SPAG1: variants seen among roughly 807,000 people sequenced by gnomAD.
SPAG1 encodes the protein sperm associated antigen 1, also known as sperm-associated antigen 1.
Under a neutral mutation model 100.5 loss-of-function variants are expected in SPAG1, and 69 were observed. The observed-to-expected ratio is 0.69, with a 90% CI of 0.57 to 0.84. The LOEUF is 0.84. Among genes scored for constraint, SPAG1 ranks in the 40% least tolerant of loss-of-function variants. The probability of loss-of-function intolerance (pLI) is 0.00; values close to 1 mark genes in which losing one functional copy is unlikely to be tolerated. For missense variants in SPAG1, 955 were observed against 1,133.1 expected, an observed-to-expected ratio of 0.84 and a Z score of 2.26; for synonymous variants, 336 against 411.6, an observed-to-expected ratio of 0.82 and a Z score of 2.22.
At chr8:100,197,531 T>G (rs1817085760) in intron 10 of SPAG1, among the ~76,000 whole-genome samples, 1 of 152,160 alleles carries the variant, frequency 6.6e-6, no homozygotes, top group Non-Finnish European at 1.5e-5. Flanking sequence ...TGCTGGAGCC[T>G]TGGACACAAG....
intron 15 of SPAG1, among the ~76,000 whole-genome samples, chr8:100,231,628 T>C (rs1818770938): frequency 1.3e-5 from 2 of 152,176 alleles, no homozygotes; most frequent in African/African-American, 4.8e-5. Context: ...GCCTGGGCAT[T>C]GTCCAGTGTG....
At chr8:100,199,950 C>CTT (rs903626847) in intron 10 of SPAG1, among the ~76,000 whole-genome samples, 3 of 146,850 alleles carry the variant, frequency 2.0e-5, no homozygotes, top group African/African-American at 7.5e-5. Context: ...CTCATTTTGA[C>CTT]TTTTTTTTTT....
intron 10 of SPAG1, among the ~76,000 whole-genome samples, chr8:100,209,534 T>C (rs1189211938): frequency 2.6e-5 from 4 of 151,662 alleles, no homozygotes; most frequent in African/African-American, 4.8e-5. Context: ...ATTTAAGGAT[T>C]GTCTTTTCCA....
At chr8:100,195,461 CA>C in intron 10 of SPAG1, among the ~76,000 whole-genome samples, 1 of 151,788 alleles carries the variant, frequency 6.6e-6, no homozygotes, top group East Asian at 1.9e-4. Context: ...TGGATAAAGA[CA>C]AAGGAACAGA....
At chr8:100,186,362 T>C (rs1250734300) in intron 7 of SPAG1, among the ~76,000 whole-genome samples, 3 of 152,168 alleles carry the variant, frequency 2.0e-5, no homozygotes, top group Admixed American at 1.3e-4. Context: ...TGAGCCACCA[T>C]GCCTGGCTTC....
intron 12 of SPAG1, among the ~76,000 whole-genome samples, chr8:100,218,284 T>G (rs1197515281): frequency 2.0e-5 from 3 of 152,224 alleles, no homozygotes; most frequent in African/African-American, 4.8e-5. Context: ...CATATTCATT[T>G]TCAGGATTGT....
chr8:100,213,526 GA>G (rs1817835264), intron 11 of SPAG1, 98 bp downstream of exon 11: 1 of 971,848 alleles, frequency 1.0e-6, no homozygotes, highest in Non-Finnish European at 1.4e-6. Flanking sequence ...CCTCCTGAAT[GA>G]CAGGCGCCGG....
At position 100,213,834 on chromosome 8, in the gene SPAG1, ATGATC is replaced by A; in HGVS notation, c.1453_1457del (p.Asp485LysfsTer7). 1 of 1,583,032 alleles carries A rather than the reference ATGATC, an allele frequency of 6.3e-7. No homozygotes were observed. The highest frequency in any genetic ancestry group is 8.7e-7 in the Non-Finnish European group (1 of 1,155,600). ...TGATTTTTAGGAAGTGAAATTGCAG[ATGATC>A]TAAGTATCTTATATTCAAATAGAGC... On this transcript the variant is annotated frameshift_variant, in exon 12 of 19. Transcript: ENST00000388798. LOFTEE classifies it high-confidence loss of function.
At chr8:100,162,445 G>GT (rs1563766181) in intron 2 of SPAG1, 25 bp downstream of exon 2, 4 of 1,524,994 alleles carry the variant, frequency 2.6e-6, no homozygotes, top group Non-Finnish European at 3.5e-6. Flanking sequence ...ATCATTACAT[G>GT]TTTTAGTATG....
intron 10 of SPAG1, among the ~76,000 whole-genome samples, chr8:100,205,141 A>G (rs1817452640): frequency 1.3e-5 from 2 of 152,208 alleles, no homozygotes; most frequent in South Asian, 4.1e-4. Context: ...TGGCTTTTCA[A>G]TTAATTTCCA....
chr8:100,237,561 C>T (rs927626950), intron 16 of SPAG1, among the ~76,000 whole-genome samples: 3 of 152,164 alleles, frequency 2.0e-5, no homozygotes, highest in African/African-American at 4.8e-5. Context: ...CCTCATAGGA[C>T]GTAAGCTTCC....
chr8:100,227,598 C>A (rs1818571374), intron 14 of SPAG1, among the ~76,000 whole-genome samples: 1 of 152,120 alleles, frequency 6.6e-6, no homozygotes, highest in South Asian at 2.1e-4. Context: ...AGAGCTACTT[C>A]TTATTAACAA....
chr8:100,194,462 T>A, intron 10 of SPAG1, 194 bp downstream of exon 10: 2 of 718,376 alleles, frequency 2.8e-6, no homozygotes, highest in Non-Finnish European at 2.3e-6. Flanking sequence ...TTTTCCTTCT[T>A]AACCTGTCAC....
At chr8:100,221,065 T>C (rs1490002681) in intron 13 of SPAG1, among the ~76,000 whole-genome samples, 1 of 149,792 alleles carries the variant, frequency 6.7e-6, no homozygotes, top group Non-Finnish European at 1.5e-5. Context: ...GGAGCAAGAT[T>C]CCAACTCCAA....
At chr8:100,240,048 G>A (rs966662908) in intron 17 of SPAG1, among the ~76,000 whole-genome samples, 2 of 152,060 alleles carry the variant, frequency 1.3e-5, no homozygotes, top group Non-Finnish European at 2.9e-5. Flanking sequence ...TTTAAGGAGG[G>A]AAGAAAAAAC....
rs892334701 is a variant in SPAG1, at chr8:100,239,868, T to G, written c.2280+464T>G. The stretch of plus-strand genomic sequence containing the variant: ...TCGAACTACCTCAGGATCAAACTGC[T>G]TTTGTGATTCAGATAACTAAAATGT... On this transcript the variant is annotated intron_variant, in intron 17 of 18. Transcript: ENST00000388798. This position sits in a 1 kb window ranked among gnomAD's most constrained non-coding sequence, Gnocchi z 5.0. Among the ~76,000 whole-genome samples, 6 of 152,348 alleles carry G rather than the reference T, an allele frequency of 3.9e-5. No individual in the cohort carries two copies. In the East Asian group the frequency reaches 1.2e-3, roughly 29 times the overall value.
intron 8 of SPAG1, among the ~76,000 whole-genome samples, chr8:100,189,641 A>C (rs56098747): frequency 0.17 from 25,493 of 152,090 alleles, 2,450 homozygotes; most frequent in South Asian, 0.23. Flanking sequence ...GGGGACAAAG[A>C]AAGACTCTGT....
At chr8:100,212,990 G>C (rs1817784953) in intron 10 of SPAG1, 100 bp from the exon 11 acceptor site, 1 of 987,672 alleles carries the variant, frequency 1.0e-6, no homozygotes, top group Admixed American at 4.5e-5. Context: ...CTTCCCTAGA[G>C]CCCGCCCTCC....
chr8:100,193,945 G>GT (rs528245973), intron 9 of SPAG1, among the ~76,000 whole-genome samples, 167 bp from the exon 10 acceptor site: 48 of 149,350 alleles, frequency 3.2e-4, no homozygotes, highest in South Asian at 8.5e-4. Flanking sequence ...GTGTGTGTGT[G>GT]TTTTTTTTTT....
Sources: gnomAD v4.1 joint callset for allele counts (sites outside exome capture counted in the v4.1 genomes callset) on GRCh38, gnomAD v4.1.1 for gene constraint, Gnocchi (gnomAD v3.1) non-coding constraint, MANE v1.5 for transcripts, NCBI Gene and HGNC (gene_info 2026-07-23, HGNC 2026-07-21) for gene names.